Variants in KCNH1 observed in about 807,000 individuals in gnomAD.
KCNH1 encodes potassium voltage-gated channel subfamily H member 1, also known as voltage-gated delayed rectifier potassium channel KCNH1.
Under a neutral mutation model 69.2 loss-of-function variants are expected in KCNH1, and 27 were observed. The observed-to-expected ratio is 0.39, with a 90% CI of 0.29 to 0.54. KCNH1 has a LOEUF of 0.54. KCNH1 is among the 20% of genes least tolerant of loss of function. The pLI, the probability that KCNH1 is intolerant of heterozygous loss-of-function variation, is 0.68. For synonymous variants in KCNH1, 456 were observed against 487.7 expected (o/e 0.93, Z 0.86); for missense variants, 798 against 1,261.6 (o/e 0.63, Z 5.57).
chr1:210,910,298 A>C, intron 7 of KCNH1, among the ~76,000 whole-genome samples: 1 of 146,362 alleles, frequency 6.8e-6, no homozygotes, highest in Non-Finnish European at 1.5e-5. Flanking sequence ...AAAAAAAATC[A>C]TCAAATTGGC....
At position 210,727,453 on chromosome 1, in the gene KCNH1, C is replaced by G. The variant is rs1682627261; in HGVS notation, c.2113-43315G>C. ...GCCTCAAGAAATCCTCCACCTTGGCCTCCTAAAGAGCTGAGATTACAGGTG... is the reference window on the plus strand; with the variant it reads ...GCCTCAAGAAATCCTCCACCTTGGCGTCCTAAAGAGCTGAGATTACAGGTG... On this transcript the variant is annotated intron_variant, in intron 10 of 10. Coordinates refer to ENST00000271751, the MANE Select transcript of KCNH1 (RefSeq NM_172362.3). 3.3e-5 allele frequency among the ~76,000 whole-genome samples: 5 copies of G among 152,122 alleles called. No homozygotes were observed. The South Asian group carries it at 1.0e-3, about 32-fold the overall frequency.
intron 6 of KCNH1, among the ~76,000 whole-genome samples, chr1:210,999,724 T>C (rs1689131547): frequency 1.3e-5 from 2 of 152,180 alleles, no homozygotes; most frequent in African/African-American, 4.8e-5. Context: ...AAGAGAATTT[T>C]AGACCAATAT....
chr1:210,743,627 T>C (rs1020140287), intron 10 of KCNH1, among the ~76,000 whole-genome samples: 2 of 152,186 alleles, frequency 1.3e-5, no homozygotes, highest in African/African-American at 2.4e-5. Flanking sequence ...GGGACAGGAC[T>C]GGGACTGACA....
intron 7 of KCNH1, among the ~76,000 whole-genome samples, chr1:210,894,446 C>T (rs1558515019): frequency 6.6e-6 from 1 of 152,116 alleles, no homozygotes; most frequent in Non-Finnish European, 1.5e-5. Flanking sequence ...CCTTTTGGGT[C>T]ATTCTTCTCC....
chr1:211,045,742 A>T (rs1690085329), intron 5 of KCNH1, among the ~76,000 whole-genome samples: 1 of 152,188 alleles, frequency 6.6e-6, no homozygotes, highest in Non-Finnish European at 1.5e-5. Flanking sequence ...AGTATACAAT[A>T]TTATTAACTA....
rs561228729 is a variant in KCNH1, at chr1:211,033,821, T to G, written c.559-14565A>C. ...GGAGATATACCTAATGTTAAATGAT[T>G]AGTTAATGGGTGCAGCACACCAACA... On this transcript the variant is annotated intron_variant, in intron 5 of 10. Coordinates refer to ENST00000271751, the MANE Select transcript of KCNH1 (RefSeq NM_172362.3). Among the ~76,000 whole-genome samples the G allele has an allele frequency of 6.0e-4, 91 of 152,154 alleles. No individual in the cohort carries two copies. In the South Asian group the frequency reaches 0.018, roughly 30 times the overall value.
intron 6 of KCNH1, among the ~76,000 whole-genome samples, chr1:210,964,004 G>A (rs569481779): frequency 1.2e-4 from 18 of 152,240 alleles, no homozygotes; most frequent in South Asian, 4.1e-4. Context: ...ATTCACCAAC[G>A]TTGAAATGAA....
intron 6 of KCNH1, among the ~76,000 whole-genome samples, chr1:210,935,070 A>G (rs754380821): frequency 2.6e-5 from 4 of 151,576 alleles, no homozygotes. Flanking sequence ...AATAGCTAAG[A>G]TATGGAATTT....
At chr1:210,736,628 T>C (rs527790325) in intron 10 of KCNH1, among the ~76,000 whole-genome samples, 81 of 151,718 alleles carry the variant, frequency 5.3e-4, no homozygotes, top group Admixed American at 1.2e-3. Context: ...ATGATAAGGA[T>C]GGGAAACAGA....
chr1:210,849,034 A>C (rs35280154), intron 7 of KCNH1, among the ~76,000 whole-genome samples: 47,062 of 152,056 alleles, frequency 0.31, 8,319 homozygotes, highest in East Asian at 0.47. Context: ...ACTAAAAGGC[A>C]ATGCAAGATT....
At chr1:210,824,529 T>C (rs148753949) in intron 7 of KCNH1, among the ~76,000 whole-genome samples, 1 of 152,296 alleles carries the variant, frequency 6.6e-6, no homozygotes, top group African/African-American at 2.4e-5. Context: ...GCCAAATCTT[T>C]TTAATGTCTG....
chr1:210,785,472 G>A (rs1203675500), intron 9 of KCNH1, among the ~76,000 whole-genome samples: 1 of 150,402 alleles, frequency 6.6e-6, no homozygotes, highest in Non-Finnish European at 1.5e-5. Flanking sequence ...TTGGCTCACC[G>A]CAACCTCCGC....
chr1:211,017,052 G>A (rs1424340233), intron 6 of KCNH1, among the ~76,000 whole-genome samples: 1 of 151,854 alleles, frequency 6.6e-6, no homozygotes, highest in Non-Finnish European at 1.5e-5. Flanking sequence ...CTACCCCAGA[G>A]AATTAGTCTT....
At chr1:210,967,317 T>A (rs1392119096) in intron 6 of KCNH1, among the ~76,000 whole-genome samples, 2 of 152,046 alleles carry the variant, frequency 1.3e-5, no homozygotes, top group Non-Finnish European at 2.9e-5. Flanking sequence ...GAACTTAAAG[T>A]AAAATAAAGT....
rs1345275820 is a variant in KCNH1, at chr1:211,032,120, GACAA to G, written c.559-12868_559-12865del. ...CAAGCATTCTTATACACCAATAACA[GACAA>G]ACAGAGAGCCAAATCATGAGTGAAC... On this transcript the variant is annotated intron_variant, in intron 5 of 10. Coordinates refer to ENST00000271751, the MANE Select transcript of KCNH1 (RefSeq NM_172362.3). Among the ~76,000 whole-genome samples the G allele has an allele frequency of 5.2e-3, 792 of 152,180 alleles. 7 individuals carry two copies. The highest frequency in any genetic ancestry group is 0.018 in the African/African-American group (757 of 41,546).
intron 5 of KCNH1, among the ~76,000 whole-genome samples, chr1:211,070,821 CAA>C (rs35631739): frequency 2.3e-5 from 3 of 130,418 alleles, no homozygotes; most frequent in African/African-American, 3.0e-5. Context: ...GACTCCATCT[CAA>C]AAAAAAAAAA....
intron 5 of KCNH1, among the ~76,000 whole-genome samples, chr1:211,062,770 C>A (rs1008650471): frequency 2.0e-5 from 3 of 152,186 alleles, no homozygotes; most frequent in Admixed American, 2.0e-4. Context: ...CATGTAACCC[C>A]AGTTAAAATG....
At chr1:210,739,091 T>C (rs1182972112) in intron 10 of KCNH1, among the ~76,000 whole-genome samples, 1 of 152,230 alleles carries the variant, frequency 6.6e-6, no homozygotes, top group Admixed American at 6.5e-5. Flanking sequence ...TCAGACAGAT[T>C]GTCTTTCTAC....
At chr1:210,729,003 A>C (rs1682678030) in intron 10 of KCNH1, among the ~76,000 whole-genome samples, 1 of 152,218 alleles carries the variant, frequency 6.6e-6, no homozygotes, top group Non-Finnish European at 1.5e-5. Context: ...GTAAGAACCA[A>C]AGGCTACCAA....
Sources: gnomAD v4.1 joint callset for allele counts (sites outside exome capture counted in the v4.1 genomes callset) on GRCh38, gnomAD v4.1.1 for gene constraint, MANE v1.5 for transcripts, NCBI Gene and HGNC (gene_info 2026-07-23, HGNC 2026-07-21) for gene names.